Variants in CLASP2 observed in about 807,000 individuals in gnomAD.
CLASP2 encodes the protein CLIP-associating protein 2.
In CLASP2, 47 loss-of-function variants were observed where a neutral mutation model predicts 194.4. The observed-to-expected ratio is 0.24, with a 90% confidence interval of 0.19 to 0.31. The LOEUF is 0.31. CLASP2 is among the 10% of genes least tolerant of loss of function. The probability of loss-of-function intolerance (pLI) is 1.00; values close to 1 mark genes in which losing one functional copy is unlikely to be tolerated. For missense variants in CLASP2, 1,445 were observed against 1,823.6 expected (o/e 0.79, Z 3.78); for synonymous variants, 619 against 633.5 (o/e 0.98, Z 0.34).
rs957683061 is a variant in CLASP2 at position 33,592,112 on chromosome 3, T to C, written c.2068+283A>G. ...AGTTTTTCTTTGTAAGTGGCAGATATCAATGATGCAGCCCTAATAAAACAC... is the reference window on the plus strand; with the variant it reads ...AGTTTTTCTTTGTAAGTGGCAGATACCAATGATGCAGCCCTAATAAAACAC... On this transcript the variant is annotated intron_variant, in intron 21 of 38. Coordinates refer to ENST00000682230, the MANE Select transcript of CLASP2 (RefSeq NM_001365631.1). The C allele has an allele frequency of 1.8e-5, 12 of 658,896 alleles. No individual in the cohort carries two copies. The Admixed American group carries it at 2.7e-4, about 15-fold the overall frequency. 40.8% of individuals were successfully genotyped at this position (658,896 alleles called of 1,614,324 possible).
At chr3:33,640,534 A>ATGAG (rs145547577) in intron 8 of CLASP2, among the ~76,000 whole-genome samples, 84 of 152,214 alleles carry the variant, frequency 5.5e-4, no homozygotes, top group East Asian at 1.7e-3. Flanking sequence ...ACTTGAATGA[A>ATGAG]TGAGTGAGTG....
At chr3:33,523,553 T>C (rs533147639) in intron 34 of CLASP2, among the ~76,000 whole-genome samples, 1 of 152,174 alleles carries the variant, frequency 6.6e-6, no homozygotes, top group South Asian at 2.1e-4. Flanking sequence ...CCAAGAATCC[T>C]ACATCTGTCA....
At chr3:33,703,029 C>A (rs1271174417) in intron 1 of CLASP2, among the ~76,000 whole-genome samples, 2 of 152,062 alleles carry the variant, frequency 1.3e-5, no homozygotes, top group African/African-American at 2.4e-5. Context: ...AAGAAAAAAT[C>A]TAATTGACCT....
At chr3:33,701,108 A>T (rs2092343581) in intron 1 of CLASP2, among the ~76,000 whole-genome samples, 1 of 152,230 alleles carries the variant, frequency 6.6e-6, no homozygotes, top group African/African-American at 2.4e-5. Context: ...ACTTAATATT[A>T]TAAAGATTTG....
At chr3:33,526,761 C>A (rs980255146) in intron 34 of CLASP2, among the ~76,000 whole-genome samples, 6 of 152,136 alleles carry the variant, frequency 3.9e-5, no homozygotes, top group African/African-American at 7.2e-5. Flanking sequence ...GTAAAAGAAC[C>A]AAAATCATAC....
intron 20 of CLASP2, among the ~76,000 whole-genome samples, chr3:33,593,467 TACTA>T (rs2069348286): frequency 6.6e-6 from 1 of 152,092 alleles, no homozygotes; most frequent in Non-Finnish European, 1.5e-5. Context: ...GGAAAAAACA[TACTA>T]AATAATAAGA....
chr3:33,539,045 T>A, intron 32 of CLASP2, 103 bp from the exon 33 acceptor site: 1 of 827,236 alleles, frequency 1.2e-6, no homozygotes. Context: ...GATTAGAGAA[T>A]GTATATTCTC....
At chr3:33,685,883 C>T (rs1432439211) in intron 5 of CLASP2, among the ~76,000 whole-genome samples, 3 of 151,988 alleles carry the variant, frequency 2.0e-5, no homozygotes, top group Non-Finnish European at 4.4e-5. Flanking sequence ...TACAGGGTTT[C>T]AGTCTGGGAA....
intron 7 of CLASP2, among the ~76,000 whole-genome samples, chr3:33,648,209 G>A (rs2082604593): frequency 1.3e-5 from 2 of 152,188 alleles, no homozygotes; most frequent in South Asian, 4.1e-4. Context: ...AAATGAACTA[G>A]TAAAAGTGAA....
chr3:33,539,159 G>T (rs2057896608), intron 32 of CLASP2, among the ~76,000 whole-genome samples: 1 of 152,064 alleles, frequency 6.6e-6, no homozygotes. Context: ...AGAATGCACA[G>T]ACCTTAATAA....
chr3:33,611,930 GCAGA>G, intron 13 of CLASP2, 67 bp downstream of exon 13: 4 of 1,040,022 alleles, frequency 3.8e-6, no homozygotes, highest in Non-Finnish European at 5.7e-6. Flanking sequence ...AATTCTTGCA[GCAGA>G]CAAATAATTA....
chr3:33,573,325 T>G lies in CLASP2; in HGVS notation c.2484A>C (p.Ser828=), dbSNP rs537084101. The change falls in exon 25 of 39, where the codon TCA becomes TCC. Residue 828 remains serine (S), a synonymous_variant. Transcript: ENST00000682230. ...CGTCATCATCTGAATGCATTCCATATGATTCATATCTTCTTCGAGCTGGTT... is the reference window on the plus strand; with the variant it reads ...CGTCATCATCTGAATGCATTCCATAGGATTCATATCTTCTTCGAGCTGGTT... ...LKKPARRRYE[S]YGMHSDDDAN... is the part of the protein sequence containing the mutation. The G allele has an allele frequency of 6.2e-7, 1 of 1,613,822 alleles. No individual in the cohort carries two copies. Among genetic ancestry groups the G allele is most frequent in the African/African-American group, 1.3e-5 (1 of 75,062 alleles).
chr3:33,607,863 T>C (rs749921936), intron 14 of CLASP2, among the ~76,000 whole-genome samples: 7 of 152,194 alleles, frequency 4.6e-5, no homozygotes, highest in Non-Finnish European at 7.3e-5. Flanking sequence ...ATTTGAATAG[T>C]AGCTGCCACA....
intron 23 of CLASP2, among the ~76,000 whole-genome samples, chr3:33,579,908 G>A (rs2065653730): frequency 6.6e-6 from 1 of 152,194 alleles, no homozygotes; most frequent in African/African-American, 2.4e-5. Context: ...TTATACACAT[G>A]TAGGATTTAT....
intron 8 of CLASP2, among the ~76,000 whole-genome samples, chr3:33,634,139 GA>G (rs1245370303): frequency 6.6e-6 from 1 of 152,162 alleles, no homozygotes; most frequent in African/African-American, 2.4e-5. Context: ...TTGAACAACA[GA>G]TTTCTCAAGT....
chr3:33,545,086 T>C (rs1333544942), intron 30 of CLASP2: 1 of 291,032 alleles, frequency 3.4e-6, no homozygotes, highest in Non-Finnish European at 6.2e-6. Context: ...TAACAGACAA[T>C]GGAAAAGTTA....
chr3:33,559,784 C>T (rs1049248712), intron 28 of CLASP2, among the ~76,000 whole-genome samples: 3 of 152,020 alleles, frequency 2.0e-5, no homozygotes, highest in African/African-American at 4.8e-5. Flanking sequence ...ATCTCAGCTA[C>T]TCGGGAGGCT....
chr3:33,501,454 G>C (rs2046830587), intron 38 of CLASP2, among the ~76,000 whole-genome samples, 198 bp downstream of exon 38: 1 of 152,126 alleles, frequency 6.6e-6, no homozygotes, highest in African/African-American at 2.4e-5. Context: ...ACAAACTGCT[G>C]ACTTCACCTG....
chr3:33,514,996 T>A (rs939787175), intron 36 of CLASP2, among the ~76,000 whole-genome samples: 3 of 152,174 alleles, frequency 2.0e-5, no homozygotes, highest in Admixed American at 1.3e-4. Context: ...TCATATGTTC[T>A]CATTCATAAG....
Sources: allele counts gnomAD v4.1 joint callset (sites outside exome capture counted in the v4.1 genomes callset), GRCh38; gene constraint gnomAD v4.1.1; transcripts MANE v1.5; gene names NCBI Gene and HGNC (gene_info 2026-07-23, HGNC 2026-07-21).